The following CHST6 variants were observed in gnomAD, a reference collection of about 807,000 sequenced individuals.
The protein encoded by CHST6 is N-acetylglucosamine 6-O-sulfotransferase 5.
For synonymous variants in CHST6, 309 were observed against 276.4 expected, an observed-to-expected ratio of 1.12 and a Z score of -1.17; for missense variants, 698 against 586.2, an observed-to-expected ratio of 1.19 and a Z score of -1.97.
intron 1 of CHST6, among the ~76,000 whole-genome samples, chr16:75,493,842 G>A (rs1356479428): frequency 6.6e-6 from 1 of 152,106 alleles, no homozygotes; most frequent in Non-Finnish European, 1.5e-5. Flanking sequence ...GTCATGGCTA[G>A]AGGCCTGGCT....
At chr16:75,486,433 C>T (rs1332215646) in intron 1 of CHST6, among the ~76,000 whole-genome samples, 1 of 152,230 alleles carries the variant, frequency 6.6e-6, no homozygotes, top group Non-Finnish European at 1.5e-5. Flanking sequence ...GCATGTGGCT[C>T]AGATGGGGCT....
intron 1 of CHST6, among the ~76,000 whole-genome samples, chr16:75,489,755 C>T (rs1056144332): frequency 2.0e-5 from 3 of 150,372 alleles, no homozygotes; most frequent in Non-Finnish European, 4.4e-5. Flanking sequence ...GGCAAATATC[C>T]TATTTAGTTT....
chr16:75,488,334 G>C (rs2080222905), intron 1 of CHST6, among the ~76,000 whole-genome samples: 1 of 152,078 alleles, frequency 6.6e-6, no homozygotes, highest in Admixed American at 6.6e-5. Flanking sequence ...ATGGTGGCAG[G>C]TGCCTATTTG....
At position 75,479,793 on chromosome 16, in the gene CHST6, G is replaced by A. The variant is rs1411016379; in HGVS notation, c.36C>T (p.Thr12=). The change falls in exon 3 of 3, where the codon ACC becomes ACT. Residue 12 remains threonine, a synonymous_variant. Transcript: ENST00000332272. ...GGAAGGTCTGCGCCAGGAGGAGCGC[G>A]GTCACTGCTGTGCTGGAGACGCGCG... ...WLPRVSSTAV[T]ALLLAQTFLL... is the part of the protein sequence containing the mutation. 7 of 1,579,566 alleles carry A rather than the reference G, an allele frequency of 4.4e-6. No homozygotes were observed. The highest frequency in any genetic ancestry group is 1.7e-4 in the Middle Eastern group (1 of 5,956).
Position 75,479,516 on chromosome 16 carries a change from C to A in CHST6, c.313G>T (p.Asp105Tyr), listed in dbSNP as rs1049269965. Reference protein sequence around the residue: ...LVRSVFLCDMDVFDAYLPWRR... With the variant: ...LVRSVFLCDMYVFDAYLPWRR... Reference sequence around the variant, plus strand: ...CAAGGCAGATAGGCATCAAACACGTCCATGTCGCACAGGAAGACGGAGCGC... The same window carrying A: ...CAAGGCAGATAGGCATCAAACACGTACATGTCGCACAGGAAGACGGAGCGC... Residue 105 changes from aspartate (D) to tyrosine (Y), a missense_variant, in exon 3 of 3, where the codon GAC becomes TAC. Transcript: ENST00000332272. 1.2e-6 allele frequency: 2 copies of A among 1,612,736 alleles called. No individual in the cohort carries two copies. The highest frequency in any genetic ancestry group is 1.7e-6 in the Non-Finnish European group (2 of 1,179,828).
At chr16:75,488,666 A>G (rs2080226298) in intron 1 of CHST6, among the ~76,000 whole-genome samples, 1 of 151,860 alleles carries the variant, frequency 6.6e-6, no homozygotes, top group South Asian at 2.1e-4. Flanking sequence ...AGAAAATGAG[A>G]CAAAACATAA....
Position 75,487,330 on chromosome 16 carries a change from G to A in CHST6, c.-91-5439C>T, listed in dbSNP as rs967139554. ...TGGAGCCCAGGAGTCCTGGCTCTCT[G>A]GGCAGCACTCACTTCCAGCCAAGCT... On this transcript the variant is annotated intron_variant, in intron 1 of 2. Transcript: ENST00000332272. Among the ~76,000 whole-genome samples the A allele has an allele frequency of 7.9e-5, 12 of 152,158 alleles. 1 individual carries two copies. The highest frequency in any genetic ancestry group is 7.2e-4 in the Admixed American group (11 of 15,276).
At chr16:75,482,049 G>T (rs945816334) in intron 1 of CHST6, among the ~76,000 whole-genome samples, 158 bp from the exon 2 acceptor site, 2 of 152,186 alleles carry the variant, frequency 1.3e-5, no homozygotes, top group African/African-American at 4.8e-5. Flanking sequence ...CACCTATGAA[G>T]AGGGGGCCTG....
At chr16:75,480,212 A>G (rs987460068) in intron 2 of CHST6, among the ~76,000 whole-genome samples, 3 of 152,170 alleles carry the variant, frequency 2.0e-5, no homozygotes, top group African/African-American at 7.2e-5. Context: ...TTTGCTTAAG[A>G]ATTCCTGTAA....
At position 75,478,524 on chromosome 16, in the gene CHST6, G is replaced by A. The variant is rs369186970; in HGVS notation, c.*117C>T. ...TCCTTGCCTACTTGGGGAGGGGGAG[G>A]GGTCGTACCACAAACTCCTTGGTCA... On this transcript the variant is annotated 3_prime_UTR_variant, in exon 3 of 3. Transcript: ENST00000332272. The A allele has an allele frequency of 1.0e-6, 1 of 991,952 alleles. No individual in the cohort carries two copies. The allele number at this position is 991,952 out of a possible 1,614,324, so 61.4% of individuals were successfully genotyped here.
At position 75,495,407 on chromosome 16, in the gene CHST6, T is replaced by C. The variant is rs2080299374; in HGVS notation, c.-559A>G. The C allele has an allele frequency of 6.6e-6, 1 of 152,172 alleles. No homozygotes were observed. Among genetic ancestry groups the C allele is most frequent in the African/African-American group, 2.4e-5 (1 of 41,432 alleles). The allele number at this position is 152,172 out of a possible 1,614,324, so 9.4% of individuals were successfully genotyped here. ...GTGCAGCCCGCCCGAGCGCACACAA[T>C]GAGGCGCTTTCAGACGTGGCTGCGG... On this transcript the variant is annotated 5_prime_UTR_variant, in exon 1 of 3. Transcript: ENST00000332272.
At chr16:75,489,517 G>T (rs2080235581) in intron 1 of CHST6, among the ~76,000 whole-genome samples, 2 of 151,830 alleles carry the variant, frequency 1.3e-5, no homozygotes, top group Non-Finnish European at 2.9e-5. Context: ...TCGCTACATA[G>T]TGTCAAGTGG....
chr16:75,474,787 A>C lies in CHST6; in HGVS notation c.*3854T>G. 2.5e-6 allele frequency: 1 copy of C among 397,306 alleles called. No individual in the cohort carries two copies. The highest frequency in any genetic ancestry group is 1.3e-4 in the South Asian group (1 of 7,758). 24.6% of individuals were successfully genotyped at this position (397,306 alleles called of 1,614,324 possible). A position where few individuals can be genotyped will look rare whatever the true frequency, so the allele number is the denominator to read the frequency against. On this transcript the variant is annotated 3_prime_UTR_variant, in exon 3 of 3. Coordinates refer to ENST00000332272, the MANE Select transcript of CHST6 (RefSeq NM_021615.5). ...GCACCACTCTCAGGATAACCAACTC[A>C]CTCCTGAAATAATGGTGGTTTTTTT... is the stretch of plus-strand genomic sequence containing the variant.
chr16:75,487,658 G>T (rs1369033200), intron 1 of CHST6, among the ~76,000 whole-genome samples: 1 of 152,024 alleles, frequency 6.6e-6, no homozygotes, highest in South Asian at 2.1e-4. Context: ...AATTAGCCGG[G>T]CGTGGTGGCG....
intron 2 of CHST6, among the ~76,000 whole-genome samples, chr16:75,481,257 T>C (rs557535954): frequency 7.2e-5 from 11 of 152,076 alleles, no homozygotes; most frequent in East Asian, 5.8e-4. Context: ...GCTTGGGCGA[T>C]AGAGTGAGAC....
chr16:75,482,010 C>T (rs536853758), intron 1 of CHST6, 119 bp from the exon 2 acceptor site: 4 of 321,932 alleles, frequency 1.2e-5, no homozygotes, highest in South Asian at 8.3e-5. Context: ...AACATTTAAC[C>T]TCTTAGGGCT....
Position 75,479,697 on chromosome 16 carries a change from C to G in CHST6, c.132G>C (p.Leu44=), listed in dbSNP as rs770219205. ...AGCCCGAGCGCCACGAGGACAGCAC[C>G]AGCACATGCACGCGCGCCTCGCCGC... ...PAGGEARVHV[L]VLSSWRSGSS... The change falls in exon 3 of 3, where the codon CTG becomes CTC. Residue 44 remains leucine (L), a synonymous_variant. Transcript: ENST00000332272. 1 of 1,611,778 alleles carries G rather than the reference C, an allele frequency of 6.2e-7. No homozygotes were observed. Among genetic ancestry groups the G allele is most frequent in the Admixed American group, 1.7e-5 (1 of 59,894 alleles).
At chr16:75,486,870 G>A (rs1166585195) in intron 1 of CHST6, among the ~76,000 whole-genome samples, 7 of 152,176 alleles carry the variant, frequency 4.6e-5, no homozygotes, top group Non-Finnish European at 1.0e-4. Flanking sequence ...AGCTTCTGGG[G>A]GCTGGCCCTG....
rs1486236549 is a variant in CHST6 at position 75,475,695 on chromosome 16, A to C, written c.*2946T>G. On this transcript the variant is annotated 3_prime_UTR_variant, in exon 3 of 3. Transcript: ENST00000332272. Reference sequence around the variant, plus strand: ...ACTGTACTGCCCATGCGCAGAGAGCAAATTCAGGAGCCAGTCAAGCATGTC... The same window carrying C: ...ACTGTACTGCCCATGCGCAGAGAGCCAATTCAGGAGCCAGTCAAGCATGTC... 1 of 152,232 alleles carries C rather than the reference A, an allele frequency of 6.6e-6. No homozygotes were observed. The allele number at this position is 152,232 out of a possible 1,614,324, so 9.4% of individuals were successfully genotyped here.
Sources: gnomAD v4.1 joint callset for allele counts (sites outside exome capture counted in the v4.1 genomes callset) on GRCh38, gnomAD v4.1.1 for gene constraint, MANE v1.5 for transcripts, NCBI Gene and HGNC (gene_info 2026-07-23, HGNC 2026-07-21) for gene names.